The following DLL4 variants were observed in gnomAD, a reference collection of about 807,000 sequenced individuals.
DLL4 encodes the protein delta like canonical Notch ligand 4, also known as delta-like protein 4.
DLL4 carries 7 observed loss-of-function variants against 73.6 expected under a neutral mutation model. That is an observed-to-expected ratio of 0.10 (90% confidence interval 0.05 to 0.18). DLL4 has a LOEUF of 0.18. Among genes scored for constraint, DLL4 ranks in the 10% least tolerant of loss-of-function variants. The pLI is 1.00. For missense variants in DLL4, 614 were observed against 929.9 expected (o/e 0.66, Z 4.42); for synonymous variants, 345 against 374.3 (o/e 0.92, Z 0.90).
rs749019663 is a variant in DLL4 at position 40,934,537 on chromosome 15, T to C, written c.851-11T>C. ...TGGCCCTGCTCAGCTGCTTGGTTCC[T>C]GTTTCTGCAGATCTCAACTACTGCA... On this transcript the variant is annotated splice_polypyrimidine_tract_variant and intron_variant, in intron 6 of 10. Coordinates refer to ENST00000249749, the MANE Select transcript of DLL4 (RefSeq NM_019074.4). 2 of 1,613,132 alleles carry C rather than the reference T, an allele frequency of 1.2e-6. No individual in the cohort carries two copies. The highest frequency in any genetic ancestry group is 2.2e-5 in the South Asian group (2 of 90,988).
At position 40,930,517 on chromosome 15, in the gene DLL4, T is replaced by A; in HGVS notation, c.337-108T>A. 1.1e-6 allele frequency: 1 copy of A among 926,860 alleles called. No individual in the cohort carries two copies. The allele number at this position is 926,860 out of a possible 1,614,324, so 57.4% of individuals were successfully genotyped here. A position where few individuals can be genotyped will look rare whatever the true frequency, so the allele number is the denominator to read the frequency against. On this transcript the variant is annotated intron_variant, in intron 2 of 10. Transcript: ENST00000249749. The surrounding 1 kb of genome is among the most constrained non-coding windows in gnomAD (Gnocchi z 5.7). The stretch of plus-strand genomic sequence containing the variant: ...CCCCGTTATGTTGACCCGGGCGCAG[T>A]AACTGAATCCTGCAATTAGATTAAT...
At chr15:40,931,908 C>A in intron 4 of DLL4, 142 bp downstream of exon 4, 1 of 1,160,340 alleles carries the variant, frequency 8.6e-7, no homozygotes, top group Non-Finnish European at 1.2e-6. Context: ...TGAGGGTGGG[C>A]TTGACCTCAG....
In DLL4 at chr15:40,938,212, A is replaced by C; in HGVS notation, c.*178A>C. 1 of 577,778 alleles carries C rather than the reference A, an allele frequency of 1.7e-6. No individual in the cohort carries two copies. The highest frequency in any genetic ancestry group is 2.0e-5 in the African/African-American group (1 of 51,062). The allele number at this position is 577,778 out of a possible 1,614,324, so 35.8% of individuals were successfully genotyped here. On this transcript the variant is annotated 3_prime_UTR_variant, in exon 11 of 11. Coordinates refer to ENST00000249749, the MANE Select transcript of DLL4 (RefSeq NM_019074.4). Reference sequence around the variant, plus strand: ...TTGCCAAGAGATGCAATACCCTTCCACACCTTTGGGTGTCTGTCTGGCATC... The same window carrying C: ...TTGCCAAGAGATGCAATACCCTTCCCCACCTTTGGGTGTCTGTCTGGCATC...
chr15:40,930,596 T>C lies in DLL4; in HGVS notation c.337-29T>C, dbSNP rs565859834. The stretch of plus-strand genomic sequence containing the variant: ...CTCTCCCCGCTTGCTCATCTCGCCA[T>C]CTCTCCGTCCCCCCACCCCCTTTCC... On this transcript the variant is annotated intron_variant, in intron 2 of 10. Coordinates refer to ENST00000249749, the MANE Select transcript of DLL4 (RefSeq NM_019074.4). This position sits in a 1 kb window ranked among gnomAD's most constrained non-coding sequence, Gnocchi z 5.7. 2 of 1,608,654 alleles carry C rather than the reference T, an allele frequency of 1.2e-6. No individual in the cohort carries two copies. Among genetic ancestry groups the C allele is most frequent in the African/African-American group, 1.3e-5 (1 of 74,962 alleles).
chr15:40,930,698 C>T lies in DLL4; in HGVS notation c.394+16C>T, dbSNP rs778753776. The T allele has an allele frequency of 7.4e-6, 12 of 1,612,894 alleles. No homozygotes were observed. The highest frequency in any genetic ancestry group is 1.0e-5 in the Non-Finnish European group (12 of 1,179,246). On this transcript the variant is annotated intron_variant, in intron 3 of 10. Coordinates refer to ENST00000249749, the MANE Select transcript of DLL4 (RefSeq NM_019074.4). This position sits in a 1 kb window ranked among gnomAD's most constrained non-coding sequence, Gnocchi z 5.7. The stretch of plus-strand genomic sequence containing the variant: ...CTGCGGCCAGGTGAGTAGCTCGCTC[C>T]GCCACCACAGGGGGGCGACACGGCG...
chr15:40,936,132 A>C, intron 8 of DLL4, 96 bp from the exon 9 acceptor site: 2 of 1,061,014 alleles, frequency 1.9e-6, no homozygotes, highest in Non-Finnish European at 2.7e-6. Flanking sequence ...AGGTGGAGGT[A>C]GAAGGGCCCG....
At chr15:40,934,762 T>A in intron 7 of DLL4, 45 bp downstream of exon 7, 1 of 1,601,082 alleles carries the variant, frequency 6.2e-7, no homozygotes, top group Non-Finnish European at 8.5e-7. Context: ...TCAGGTGGTG[T>A]CTGGGCATCC....
rs1421032323 is a variant in DLL4, at chr15:40,930,049, C to G, written c.269C>G (p.Ala90Gly). Reference protein sequence around the residue: ...STPVLGTNSFAVRDDSSGGGR... With the variant: ...STPVLGTNSFGVRDDSSGGGR... The stretch of plus-strand genomic sequence containing the variant: ...CCGGTATTGGGCACCAACTCCTTCG[C>G]TGTCCGGGACGACAGTAGCGGCGGG... Residue 90 changes from alanine to glycine, a missense_variant, in exon 2 of 11, where the codon GCT becomes GGT. By Grantham distance (60) the Ala-to-Gly change is moderately conservative (BLOSUM62 0). This residue lies in a region of DLL4 where 227 missense variants were observed against 370.8 expected (regional missense o/e 0.61). Coordinates refer to ENST00000249749, the MANE Select transcript of DLL4 (RefSeq NM_019074.4). This position sits in a 1 kb window ranked among gnomAD's most constrained non-coding sequence, Gnocchi z 5.7. 1 of 1,612,808 alleles carries G rather than the reference C, an allele frequency of 6.2e-7. No homozygotes were observed. The highest frequency in any genetic ancestry group is 1.1e-5 in the South Asian group (1 of 90,958).
intron 6 of DLL4, among the ~76,000 whole-genome samples, chr15:40,933,579 T>A (rs1356477604): frequency 1.3e-5 from 2 of 152,170 alleles, no homozygotes; most frequent in African/African-American, 4.8e-5. Context: ...CCTCTACCAT[T>A]TCTACCTGTT....
Position 40,929,586 on chromosome 15 carries a change from C to A in DLL4, c.-83C>A. Reference sequence around the variant, plus strand: ...GAGCGCCTCTTTTCAGGGACCCCGCCGGCTGGCGGACGCGCGGGAAAGCGG... The same window carrying A: ...GAGCGCCTCTTTTCAGGGACCCCGCAGGCTGGCGGACGCGCGGGAAAGCGG... On this transcript the variant is annotated 5_prime_UTR_variant, in exon 1 of 11. Coordinates refer to ENST00000249749, the MANE Select transcript of DLL4 (RefSeq NM_019074.4). The surrounding 1 kb of genome is among the most constrained non-coding windows in gnomAD (Gnocchi z 7.1). 1 of 1,324,006 alleles carries A rather than the reference C, an allele frequency of 7.6e-7. No homozygotes were observed. The highest frequency in any genetic ancestry group is 1.0e-6 in the Non-Finnish European group (1 of 997,922). The allele number at this position is 1,324,006 out of a possible 1,614,324, so 82.0% of individuals were successfully genotyped here.
At position 40,930,330 on chromosome 15, in the gene DLL4, C is replaced by A; in HGVS notation, c.336+214C>A. On this transcript the variant is annotated intron_variant, in intron 2 of 10. Transcript: ENST00000249749. The surrounding 1 kb of genome is among the most constrained non-coding windows in gnomAD (Gnocchi z 5.7). ...GTCTTCCCAGTTTATGTCCTCCCGT[C>A]CCCAGCTCTTGGGACACGATTTTCA... The A allele has an allele frequency of 1.5e-6, 1 of 688,916 alleles. No individual in the cohort carries two copies. The highest frequency in any genetic ancestry group is 2.4e-6 in the Non-Finnish European group (1 of 415,050). The allele number at this position is 688,916 out of a possible 1,614,324, so 42.7% of individuals were successfully genotyped here.
intron 6 of DLL4, among the ~76,000 whole-genome samples, chr15:40,934,015 C>CAAAAAA (rs59066863): frequency 2.4e-5 from 1 of 42,132 alleles, no homozygotes; most frequent in Non-Finnish European, 4.1e-5. Context: ...GACTCCGTCT[C>CAAAAAA]AAAAAAAAAA....
Position 40,936,585 on chromosome 15 carries a change from C to G in DLL4, c.1598C>G (p.Ser533Trp), listed in dbSNP as rs1566879645. ...CCCAGCTTCCCCTGGGTGGCCGTCT[C>G]GCTGGGTGTGGGGCTGGCAGTGCTG... ...LPPSFPWVAVSLGVGLAVLLV... is the reference protein window; with the variant it reads ...LPPSFPWVAVWLGVGLAVLLV... The change falls in exon 9 of 11, where the codon TCG (serine) becomes TGG (tryptophan). Residue 533 changes from serine (S) to tryptophan (W), a missense_variant. Ser to Trp is a radical substitution (Grantham distance 177). Around this residue, in one of 3 missense-constraint regions of DLL4, gnomAD observed 386 missense variants for 541.3 expected, o/e 0.71. Transcript: ENST00000249749. The G allele has an allele frequency of 1.2e-6, 2 of 1,609,206 alleles. No homozygotes were observed. The highest frequency in any genetic ancestry group is 4.5e-5 in the East Asian group (2 of 44,726).
At position 40,930,347 on chromosome 15, in the gene DLL4, C is replaced by G; in HGVS notation, c.336+231C>G. 1 of 655,158 alleles carries G rather than the reference C, an allele frequency of 1.5e-6. No homozygotes were observed. Among genetic ancestry groups the G allele is most frequent in the Non-Finnish European group, 2.6e-6 (1 of 383,178 alleles). 40.6% of individuals were successfully genotyped at this position (655,158 alleles called of 1,614,324 possible). A position where few individuals can be genotyped will look rare whatever the true frequency, so the allele number is the denominator to read the frequency against. On this transcript the variant is annotated intron_variant, in intron 2 of 10. Coordinates refer to ENST00000249749, the MANE Select transcript of DLL4 (RefSeq NM_019074.4). The surrounding 1 kb of genome is among the most constrained non-coding windows in gnomAD (Gnocchi z 5.7). ...CCTCCCGTCCCCAGCTCTTGGGACA[C>G]GATTTTCATTACCTACCACTCTGGG...
In DLL4 at chr15:40,929,786, C is replaced by G. The variant is rs1892736852; in HGVS notation, c.66+52C>G. 8.7e-6 allele frequency: 14 copies of G among 1,606,802 alleles called. No individual in the cohort carries two copies. Among genetic ancestry groups the G allele is most frequent in the Non-Finnish European group, 1.2e-5 (14 of 1,179,058 alleles). Reference sequence around the variant, plus strand: ...CCCTCTGCCGCGCTCTGGGCCTCAGCCCCGGGCACCAGCTGAGCTGACCGG... The same window carrying G: ...CCCTCTGCCGCGCTCTGGGCCTCAGGCCCGGGCACCAGCTGAGCTGACCGG... On this transcript the variant is annotated intron_variant, in intron 1 of 10. Transcript: ENST00000249749. This position sits in a 1 kb window ranked among gnomAD's most constrained non-coding sequence, Gnocchi z 7.1.
Position 40,929,468 on chromosome 15 carries a change from C to T in DLL4, c.-201C>T. The stretch of plus-strand genomic sequence containing the variant: ...TTAGACAGAAGACGCGTCCTCGGCG[C>T]GGTCGCCGCCCAGCCGTAGTCACCT... On this transcript the variant is annotated 5_prime_UTR_variant, in exon 1 of 11. Transcript: ENST00000249749. The surrounding 1 kb of genome is among the most constrained non-coding windows in gnomAD (Gnocchi z 7.1). The T allele has an allele frequency of 1.8e-6, 1 of 559,292 alleles. No homozygotes were observed. Among genetic ancestry groups the T allele is most frequent in the South Asian group, 2.6e-5 (1 of 37,738 alleles). The allele number at this position is 559,292 out of a possible 1,614,324, so 34.6% of individuals were successfully genotyped here. A position where few individuals can be genotyped will look rare whatever the true frequency, so the allele number is the denominator to read the frequency against.
chr15:40,937,729 T>A (rs1279004663), intron 10 of DLL4, among the ~76,000 whole-genome samples: 5 of 152,160 alleles, frequency 3.3e-5, no homozygotes, highest in Non-Finnish European at 5.9e-5. Context: ...GTCTGGTCCT[T>A]TCCTGCTGTA....
chr15:40,934,932 C>T lies in DLL4; in HGVS notation c.1055C>T (p.Pro352Leu), dbSNP rs1249351611. 22 of 1,613,602 alleles carry T rather than the reference C, an allele frequency of 1.4e-5. No homozygotes were observed. Among genetic ancestry groups the T allele is most frequent in the Middle Eastern group, 1.6e-4 (1 of 6,084 alleles). Residue 352 changes from proline (P) to leucine (L), a missense_variant, in exon 8 of 11, where the codon CCG becomes CTG. Pro to Leu is a moderately conservative substitution (Grantham distance 98). Transcript: ENST00000249749. ...QEDGYHCLCP[P>L]GYYGLHCEHS... ...GATGGCTACCACTGCCTGTGTCCTC[C>T]GGGCTACTATGGCCTGCATTGTGAA...
chr15:40,930,972 C>A lies in DLL4; in HGVS notation c.394+290C>A, dbSNP rs910694082. On this transcript the variant is annotated intron_variant, in intron 3 of 10. Coordinates refer to ENST00000249749, the MANE Select transcript of DLL4 (RefSeq NM_019074.4). This position sits in a 1 kb window ranked among gnomAD's most constrained non-coding sequence, Gnocchi z 5.7. ...GCCCCTTCCTGTATTTTACACCTTTCGCGAATTCCGCTCCTTTGGAAAGGG... is the reference window on the plus strand; with the variant it reads ...GCCCCTTCCTGTATTTTACACCTTTAGCGAATTCCGCTCCTTTGGAAAGGG... 4 of 534,708 alleles carry A rather than the reference C, an allele frequency of 7.5e-6. No homozygotes were observed. Among genetic ancestry groups the A allele is most frequent in the Non-Finnish European group, 1.3e-5 (4 of 301,192 alleles). 33.1% of individuals were successfully genotyped at this position (534,708 alleles called of 1,614,324 possible).
Sources: gnomAD v4.1 joint callset for allele counts (sites outside exome capture counted in the v4.1 genomes callset) on GRCh38, gnomAD v4.1.1 for gene constraint, gnomAD v4.1.1 regional missense constraint, Gnocchi (gnomAD v3.1) non-coding constraint, MANE v1.5 for transcripts, NCBI Gene and HGNC (gene_info 2026-07-23, HGNC 2026-07-21) for gene names.